Variants in RPRD2 observed in about 807,000 individuals in gnomAD.
The protein encoded by RPRD2 is regulation of nuclear pre-mRNA domain containing 2.
A neutral mutation model predicts 104.4 loss-of-function variants in RPRD2; 12 were observed. The observed-to-expected ratio is 0.11, with a 90% CI of 0.07 to 0.19. The LOEUF (loss-of-function observed/expected upper bound fraction) is 0.19, where lower values mean the gene tolerates loss of function less well. RPRD2 is among the 10% of genes least tolerant of loss of function. The probability of loss-of-function intolerance (pLI) is 1.00; values close to 1 mark genes in which losing one functional copy is unlikely to be tolerated. For missense variants in RPRD2, 1,543 were observed against 1,790.1 expected (o/e 0.86, Z 2.49); for synonymous variants, 714 against 684.9 (o/e 1.04, Z -0.66).
chr1:150,464,458 T>A (rs1553899447), intron 9 of RPRD2, 69 bp from the exon 10 acceptor site: 2 of 1,211,234 alleles, frequency 1.7e-6, no homozygotes, highest in Non-Finnish European at 2.4e-6. Flanking sequence ...CTCATTGAAG[T>A]GAGGGGAAGT....
intron 7 of RPRD2, among the ~76,000 whole-genome samples, chr1:150,455,474 C>T (rs138912869): frequency 0.025 from 3,799 of 151,798 alleles, 160 homozygotes; most frequent in African/African-American, 0.086. Flanking sequence ...TGCACTCCAG[C>T]CTGGGCGACA....
chr1:150,381,702 C>T (rs587649317), intron 1 of RPRD2, among the ~76,000 whole-genome samples: 2 of 152,068 alleles, frequency 1.3e-5, no homozygotes, highest in East Asian at 3.9e-4. Flanking sequence ...GACGGGGTTT[C>T]ACCGTGTCAG....
At chr1:150,390,967 A>C (rs1662020332) in intron 1 of RPRD2, among the ~76,000 whole-genome samples, 1 of 152,190 alleles carries the variant, frequency 6.6e-6, no homozygotes, top group Non-Finnish European at 1.5e-5. Context: ...TAGATAACTG[A>C]AGAATATCAA....
intron 2 of RPRD2, 26 bp from the exon 3 acceptor site, chr1:150,440,897 C>T: frequency 1.8e-6 from 2 of 1,124,704 alleles, no homozygotes; most frequent in Non-Finnish European, 2.6e-6. Context: ...TTTTTATAGT[C>T]TGTATTACTT....
chr1:150,402,694 CG>C (rs2102225466), intron 1 of RPRD2, among the ~76,000 whole-genome samples: 2 of 144,344 alleles, frequency 1.4e-5, no homozygotes, highest in South Asian at 4.5e-4. Flanking sequence ...CAGCCGGGCG[CG>C]GTGGCTCACG....
intron 5 of RPRD2, 68 bp from the exon 6 acceptor site, chr1:150,444,183 T>C: frequency 6.8e-7 from 1 of 1,468,514 alleles, no homozygotes; most frequent in Non-Finnish European, 9.3e-7. Context: ...TTTTACAAAA[T>C]GAGGAGAGAG....
chr1:150,447,668 A>G (rs1666876528), intron 7 of RPRD2, among the ~76,000 whole-genome samples: 1 of 152,152 alleles, frequency 6.6e-6, no homozygotes, highest in Non-Finnish European at 1.5e-5. Context: ...AGAAAGGGAG[A>G]GAGGTGATAA....
chr1:150,431,484 T>TGTTTGTTTG (rs1183451438), intron 2 of RPRD2, among the ~76,000 whole-genome samples: 1 of 141,826 alleles, frequency 7.1e-6, no homozygotes, highest in African/African-American at 2.6e-5. Context: ...TTTTTTTTTT[T>TGTTTGTTTG]TTTTTTTTTT....
At position 150,473,061 on chromosome 1, in the gene RPRD2, A is replaced by T. The variant is rs749599054; in HGVS notation, c.4113A>T (p.Leu1371=). Residue 1371 remains leucine, a synonymous_variant, in exon 11 of 11, where the codon CTA becomes CTT. Transcript: ENST00000369068. ...GLSRVRESLT[L]PSHSLEHLGP... Reference sequence around the variant, plus strand: ...GCCGTGTACGAGAGAGCCTCACCCTACCCTCCCATTCTCTGGAACACCTGG... The same window carrying T: ...GCCGTGTACGAGAGAGCCTCACCCTTCCCTCCCATTCTCTGGAACACCTGG... 6.2e-7 allele frequency: 1 copy of T among 1,613,564 alleles called. No homozygotes were observed. The highest frequency in any genetic ancestry group is 8.5e-7 in the Non-Finnish European group (1 of 1,179,794).
At chr1:150,407,076 C>G (rs2102240142) in intron 1 of RPRD2, among the ~76,000 whole-genome samples, 1 of 152,282 alleles carries the variant, frequency 6.6e-6, no homozygotes, top group Middle Eastern at 3.4e-3. Flanking sequence ...CTTGATGTCT[C>G]TAATTTCTGT....
chr1:150,445,892 C>T (rs1181693728), intron 6 of RPRD2, among the ~76,000 whole-genome samples: 2 of 152,004 alleles, frequency 1.3e-5, no homozygotes, highest in Non-Finnish European at 2.9e-5. Context: ...CACAGTGAAA[C>T]CCCATCTCCG....
At position 150,472,568 on chromosome 1, in the gene RPRD2, G is replaced by A; in HGVS notation, c.3620G>A (p.Arg1207Lys). The change falls in exon 11 of 11, where the codon AGA becomes AAA. Residue 1207 changes from arginine to lysine, a missense_variant. By Grantham distance (26) the Arg-to-Lys change is conservative (BLOSUM62 2). Around this residue, in one of 4 missense-constraint regions of RPRD2, gnomAD observed 880 missense variants for 885.6 expected, o/e 0.99. Transcript: ENST00000369068. Reference sequence around the variant, plus strand: ...TTGGAACATGGGACACCCTTCCAGAGAGAGCCAGTGGGGCCATCATCTGCC... The same window carrying A: ...TTGGAACATGGGACACCCTTCCAGAAAGAGCCAGTGGGGCCATCATCTGCC... ...SPLEHGTPFQ[R>K]EPVGPSSAPP... 1 of 1,613,986 alleles carries A rather than the reference G, an allele frequency of 6.2e-7. No homozygotes were observed. Among genetic ancestry groups the A allele is most frequent in the Non-Finnish European group, 8.5e-7 (1 of 1,179,876 alleles).
At chr1:150,442,080 A>T in intron 4 of RPRD2, 122 bp downstream of exon 4, 1 of 590,290 alleles carries the variant, frequency 1.7e-6, no homozygotes. Context: ...CAGGTCTGGG[A>T]GGCTCCCAGT....
At chr1:150,405,574 TTC>T in intron 1 of RPRD2, among the ~76,000 whole-genome samples, 1 of 152,158 alleles carries the variant, frequency 6.6e-6, no homozygotes, top group South Asian at 2.1e-4. Flanking sequence ...ACTTCCTGGT[TTC>T]TCTCTCTCTC....
At chr1:150,394,392 G>A (rs955691680) in intron 1 of RPRD2, among the ~76,000 whole-genome samples, 2 of 152,042 alleles carry the variant, frequency 1.3e-5, no homozygotes, top group Non-Finnish European at 2.9e-5. Context: ...ATGATTGTAT[G>A]AGAGAATGTT....
intron 1 of RPRD2, among the ~76,000 whole-genome samples, chr1:150,406,734 G>A (rs949335200): frequency 1.3e-5 from 2 of 152,052 alleles, no homozygotes; most frequent in East Asian, 1.9e-4. Context: ...TTCTTTTTGA[G>A]ATGGAGTTTT....
chr1:150,380,546 TG>T (rs1661046455), intron 1 of RPRD2, among the ~76,000 whole-genome samples: 1 of 152,118 alleles, frequency 6.6e-6, no homozygotes, highest in Middle Eastern at 3.2e-3. Flanking sequence ...GATGAGGTTT[TG>T]CTATTAGCCA....
At chr1:150,464,021 T>A (rs1282281419) in intron 9 of RPRD2, among the ~76,000 whole-genome samples, 5 of 152,192 alleles carry the variant, frequency 3.3e-5, no homozygotes, top group Non-Finnish European at 7.3e-5. Context: ...CTCAAAACTA[T>A]GAAAATCACT....
In RPRD2 at chr1:150,442,526, T is replaced by G. The variant is rs1666473778; in HGVS notation, c.514+568T>G. 2.6e-5 allele frequency among the ~76,000 whole-genome samples: 4 copies of G among 152,238 alleles called. No homozygotes were observed. In the Middle Eastern group the frequency reaches 0.01, roughly 388 times the overall value. ...ATGTGATAGGCTGCTGTGGGCAAACTGAGGAATATTGAGAGAGACTTGAAG... is the reference window on the plus strand; with the variant it reads ...ATGTGATAGGCTGCTGTGGGCAAACGGAGGAATATTGAGAGAGACTTGAAG... On this transcript the variant is annotated intron_variant, in intron 4 of 10. Coordinates refer to ENST00000369068, the MANE Select transcript of RPRD2 (RefSeq NM_015203.5).
Sources: gnomAD v4.1 joint callset for allele counts (sites outside exome capture counted in the v4.1 genomes callset) on GRCh38, gnomAD v4.1.1 for gene constraint, gnomAD v4.1.1 regional missense constraint, MANE v1.5 for transcripts, NCBI Gene and HGNC (gene_info 2026-07-23, HGNC 2026-07-21) for gene names.